Variants in MDGA1 observed in about 807,000 individuals in gnomAD.
MDGA1 encodes the protein MAM domain containing glycosylphosphatidylinositol anchor 1, also known as MAM domain-containing glycosylphosphatidylinositol anchor protein 1.
In MDGA1, 54 loss-of-function variants were observed where a neutral mutation model predicts 101.5. The observed-to-expected ratio is 0.53, with a 90% CI of 0.43 to 0.67. The LOEUF is 0.67. Ranked by LOEUF, MDGA1 falls within the 30% of genes least tolerant of loss-of-function variation. The probability of loss-of-function intolerance (pLI) is 0.00; values close to 1 mark genes in which losing one functional copy is unlikely to be tolerated. For synonymous variants in MDGA1, 533 were observed against 558.3 expected (o/e 0.95, Z 0.64); for missense variants, 1,083 against 1,323.8 (o/e 0.82, Z 2.82).
intron 13 of MDGA1, 55 bp from the exon 14 acceptor site, chr6:37,643,998 T>C: frequency 6.2e-7 from 1 of 1,600,162 alleles, no homozygotes; most frequent in Non-Finnish European, 8.5e-7. Context: ...GGCCTCTTCC[T>C]ACCTGATTCC....
intron 1 of MDGA1, among the ~76,000 whole-genome samples, chr6:37,679,862 A>T (rs1289793203): frequency 7.9e-5 from 12 of 152,120 alleles, no homozygotes; most frequent in Admixed American, 7.9e-4. Flanking sequence ...GCCCATCATC[A>T]CATGGTTAGT....
At position 37,638,797 on chromosome 6, in the gene MDGA1, G is replaced by A; in HGVS notation, c.2537-130C>T. 1 of 1,235,074 alleles carries A rather than the reference G, an allele frequency of 8.1e-7. No homozygotes were observed. Among genetic ancestry groups the A allele is most frequent in the South Asian group, 1.5e-5 (1 of 67,922 alleles). The allele number at this position is 1,235,074 out of a possible 1,614,324, so 76.5% of individuals were successfully genotyped here. On this transcript the variant is annotated intron_variant, in intron 14 of 16. Transcript: ENST00000434837. The surrounding 1 kb of genome is among the most constrained non-coding windows in gnomAD (Gnocchi z 4.8). ...CCTGTTGACAGGACCTCCTCCCCAT[G>A]CCCAGCTGGGTGCAATGTCCCATTC...
intron 14 of MDGA1, chr6:37,639,122 T>C (rs1006363511): frequency 1.1e-5 from 2 of 176,362 alleles, no homozygotes; most frequent in African/African-American, 4.7e-5. Context: ...TAATACCCAG[T>C]TGGCAAGAGG....
At position 37,636,032 on chromosome 6, in the gene MDGA1, C is replaced by T. The variant is rs183098370; in HGVS notation, c.*1336G>A. ...ACCCACGGTGGTACCTAGACACAGA[C>T]GGGCACAAACACATACACACATATG... On this transcript the variant is annotated 3_prime_UTR_variant, in exon 17 of 17. Coordinates refer to ENST00000434837, the MANE Select transcript of MDGA1 (RefSeq NM_153487.4). The T allele has an allele frequency of 4.3e-4, 134 of 314,528 alleles. No homozygotes were observed. The Admixed American group carries it at 6.4e-3, about 15-fold the overall frequency. The allele number at this position is 314,528 out of a possible 1,614,324, so 19.5% of individuals were successfully genotyped here.
rs911413697 is a variant in MDGA1, at chr6:37,650,429, G to A, written c.1313-24C>T. 7 of 1,497,506 alleles carry A rather than the reference G, an allele frequency of 4.7e-6. No individual in the cohort carries two copies. In the East Asian group the frequency reaches 7.1e-5, roughly 15 times the overall value. The allele number at this position is 1,497,506 out of a possible 1,614,324, so 92.8% of individuals were successfully genotyped here. A position where few individuals can be genotyped will look rare whatever the true frequency, so the allele number is the denominator to read the frequency against. On this transcript the variant is annotated intron_variant, in intron 7 of 16. Coordinates refer to ENST00000434837, the MANE Select transcript of MDGA1 (RefSeq NM_153487.4). Reference sequence around the variant, plus strand: ...CACTGTGGGGGTGATGGTGATCAGCGGAGAGGTAGGAGCGGAGTTAGAGCT... The same window carrying A: ...CACTGTGGGGGTGATGGTGATCAGCAGAGAGGTAGGAGCGGAGTTAGAGCT...
At chr6:37,694,985 A>G (rs1762387851) in intron 1 of MDGA1, among the ~76,000 whole-genome samples, 1 of 151,792 alleles carries the variant, frequency 6.6e-6, no homozygotes, top group South Asian at 2.1e-4. Flanking sequence ...CTGACTCCAA[A>G]CCCCACTCTC....
Position 37,696,956 on chromosome 6 carries a change from G to A in MDGA1, c.-145C>T, listed in dbSNP as rs1762435236. The A allele has an allele frequency of 5.8e-6, 4 of 684,588 alleles. No individual in the cohort carries two copies. The highest frequency in any genetic ancestry group is 1.8e-5 in the African/African-American group (1 of 55,236). The allele number at this position is 684,588 out of a possible 1,614,324, so 42.4% of individuals were successfully genotyped here. A position where few individuals can be genotyped will look rare whatever the true frequency, so the allele number is the denominator to read the frequency against. On this transcript the variant is annotated 5_prime_UTR_variant, in exon 1 of 17. Transcript: ENST00000434837. This position sits in a 1 kb window ranked among gnomAD's most constrained non-coding sequence, Gnocchi z 5.6. ...GAGCGGCGACGAAGACCAGGAGACT[G>A]AAGAGGCGGAGGTGGCGGCGACCCG...
At chr6:37,690,927 A>G (rs2114110844) in intron 1 of MDGA1, among the ~76,000 whole-genome samples, 1 of 152,198 alleles carries the variant, frequency 6.6e-6, no homozygotes, top group East Asian at 1.9e-4. Context: ...TCCACCTGGA[A>G]TGCCCCTCTC....
chr6:37,638,749 C>A lies in MDGA1; in HGVS notation c.2537-82G>T. 6.6e-7 allele frequency: 1 copy of A among 1,520,038 alleles called. No individual in the cohort carries two copies. The highest frequency in any genetic ancestry group is 8.9e-7 in the Non-Finnish European group (1 of 1,126,210). The allele number at this position is 1,520,038 out of a possible 1,614,324, so 94.2% of individuals were successfully genotyped here. Reference sequence around the variant, plus strand: ...TCCACATTTACCAAGCCCTCTTCTCCCACCATAGCCTGCAGCCCTGTCCCT... The same window carrying A: ...TCCACATTTACCAAGCCCTCTTCTCACACCATAGCCTGCAGCCCTGTCCCT... On this transcript the variant is annotated intron_variant, in intron 14 of 16. Coordinates refer to ENST00000434837, the MANE Select transcript of MDGA1 (RefSeq NM_153487.4). The surrounding 1 kb of genome is among the most constrained non-coding windows in gnomAD (Gnocchi z 4.8).
At chr6:37,646,873 G>A (rs1424772199) in intron 10 of MDGA1, among the ~76,000 whole-genome samples, 5 of 152,174 alleles carry the variant, frequency 3.3e-5, no homozygotes, top group Admixed American at 2.0e-4. Flanking sequence ...TGACCCAAGA[G>A]TTGATTCTAT....
chr6:37,665,046 A>T (rs1761716866), intron 1 of MDGA1, among the ~76,000 whole-genome samples: 1 of 151,960 alleles, frequency 6.6e-6, no homozygotes, highest in African/African-American at 2.4e-5. Flanking sequence ...CTCCTCCCTG[A>T]CCTCTCTCAC....
At chr6:37,682,283 A>C (rs1365757724) in intron 1 of MDGA1, among the ~76,000 whole-genome samples, 12 of 152,120 alleles carry the variant, frequency 7.9e-5, no homozygotes, top group Non-Finnish European at 1.5e-5. Flanking sequence ...TCAGGAGTGC[A>C]AGACCAGCCT....
In MDGA1 at chr6:37,636,437, T is replaced by C. The variant is rs1763930482; in HGVS notation, c.*931A>G. 6.6e-6 allele frequency: 1 copy of C among 152,226 alleles called. No homozygotes were observed. The highest frequency in any genetic ancestry group is 2.4e-5 in the African/African-American group (1 of 41,444). The allele number at this position is 152,226 out of a possible 1,614,324, so 9.4% of individuals were successfully genotyped here. ...CCACTTCCAAATTCATTGTCTGATA[T>C]GGGGGCACCAAATCACAGAAGCGGG... On this transcript the variant is annotated 3_prime_UTR_variant, in exon 17 of 17. Coordinates refer to ENST00000434837, the MANE Select transcript of MDGA1 (RefSeq NM_153487.4).
At chr6:37,670,219 G>C (rs1185473897) in intron 1 of MDGA1, among the ~76,000 whole-genome samples, 1 of 152,212 alleles carries the variant, frequency 6.6e-6, no homozygotes, top group Non-Finnish European at 1.5e-5. Context: ...AATAGTATGT[G>C]CTGTCTCCAT....
At chr6:37,666,453 G>A (rs1275127792) in intron 1 of MDGA1, among the ~76,000 whole-genome samples, 1 of 152,020 alleles carries the variant, frequency 6.6e-6, no homozygotes, top group Non-Finnish European at 1.5e-5. Context: ...GAGGTAAGAA[G>A]ATAAATAAGA....
intron 1 of MDGA1, among the ~76,000 whole-genome samples, chr6:37,685,785 C>T (rs1561863545): frequency 6.6e-6 from 1 of 152,130 alleles, no homozygotes; most frequent in Non-Finnish European, 1.5e-5. Flanking sequence ...AGCAAGTCAT[C>T]CCCCTCCTCT....
chr6:37,676,873 G>C (rs1191456789), intron 1 of MDGA1, among the ~76,000 whole-genome samples: 1 of 147,404 alleles, frequency 6.8e-6, no homozygotes, highest in East Asian at 1.9e-4. Flanking sequence ...CTCCAGCCTG[G>C]GCAAAAAGAG....
At chr6:37,640,537 C>T (rs918213331) in intron 14 of MDGA1, among the ~76,000 whole-genome samples, 10 of 152,034 alleles carry the variant, frequency 6.6e-5, no homozygotes, top group African/African-American at 2.4e-4. Flanking sequence ...GATGGGGTCT[C>T]GCTATGTTGC....
chr6:37,677,335 T>C lies in MDGA1; in HGVS notation c.68-13229A>G, dbSNP rs1011575125. Reference sequence around the variant, plus strand: ...CTATGACCTGTTAGGCAGTCTCACTTTGGGGAATAGGCCCCAAGGAAATAA... The same window carrying C: ...CTATGACCTGTTAGGCAGTCTCACTCTGGGGAATAGGCCCCAAGGAAATAA... On this transcript the variant is annotated intron_variant, in intron 1 of 16. Transcript: ENST00000434837. 3.9e-5 allele frequency among the ~76,000 whole-genome samples: 6 copies of C among 152,334 alleles called. No homozygotes were observed. The East Asian group carries it at 7.7e-4, about 20-fold the overall frequency.
Sources: allele counts gnomAD v4.1 joint callset (sites outside exome capture counted in the v4.1 genomes callset), GRCh38; gene constraint gnomAD v4.1.1; non-coding constraint Gnocchi (gnomAD v3.1); transcripts MANE v1.5; gene names NCBI Gene and HGNC (gene_info 2026-07-23, HGNC 2026-07-21).